STX8: variants seen among roughly 807,000 people sequenced by gnomAD.
STX8 encodes syntaxin 8, also known as syntaxin-8.
Under a neutral mutation model 37.5 loss-of-function variants are expected in STX8, and 23 were observed. The ratio of observed to expected loss-of-function variants is 0.61; its 90% confidence interval spans 0.44 to 0.87. The LOEUF is 0.87. Ranked by LOEUF, STX8 falls within the 40% of genes least tolerant of loss-of-function variation. STX8 has a pLI of 0.00. For synonymous variants in STX8, 115 were observed against 99.1 expected (o/e 1.16, Z -0.95); for missense variants, 313 against 284.7 (o/e 1.10, Z -0.71).
At chr17:9,367,116 A>G (rs1004255650) in intron 7 of STX8, among the ~76,000 whole-genome samples, 1 of 151,866 alleles carries the variant, frequency 6.6e-6, no homozygotes, top group Admixed American at 6.6e-5. Flanking sequence ...CTGAGGCTGA[A>G]CAAATCTACT....
At chr17:9,421,340 C>T (rs895034155) in intron 6 of STX8, among the ~76,000 whole-genome samples, 5 of 128,668 alleles carry the variant, frequency 3.9e-5, no homozygotes, top group East Asian at 2.5e-4. Context: ...TGCAGTGAGG[C>T]GGGATGGAGC....
At chr17:9,396,710 A>G (rs1912416278) in intron 6 of STX8, among the ~76,000 whole-genome samples, 2 of 140,830 alleles carry the variant, frequency 1.4e-5, no homozygotes, top group Admixed American at 7.0e-5. Context: ...GTGAAACACC[A>G]TCTGAAAAAA....
At position 9,575,802 on chromosome 17, in the gene STX8, G is replaced by T; in HGVS notation, c.7C>A (p.Pro3Thr). 1.3e-6 allele frequency: 2 copies of T among 1,542,148 alleles called. No individual in the cohort carries two copies. Among genetic ancestry groups the T allele is most frequent in the Non-Finnish European group, 8.7e-7 (1 of 1,146,400 alleles). ...TCACCCGGGACTCACCAGGGGTCCG[G>T]TGCCATCCTGCAGACTCCGCCCGCC... MA[P>T]DPWFSTYDST... Residue 3 changes from proline (P) to threonine (T), a missense_variant, in exon 1 of 8, where the codon CCG becomes ACG. Physicochemically the swap from Pro to Thr is conservative, Grantham distance 38. Transcript: ENST00000306357.
Position 9,517,583 on chromosome 17 carries a change from G to A in STX8, c.324-12421C>T, listed in dbSNP as rs116177574. Among the ~76,000 whole-genome samples, 239 of 152,192 alleles carry A rather than the reference G, an allele frequency of 1.6e-3. 1 individual carries two copies. Among genetic ancestry groups the A allele is most frequent in the African/African-American group, 5.2e-3 (217 of 41,536 alleles). The stretch of plus-strand genomic sequence containing the variant: ...GCTTCCTCAGGGCCACCCACCTAGT[G>A]GCAGAGCTAAGGGTTCAGCCCACAT... On this transcript the variant is annotated intron_variant, in intron 4 of 7. Coordinates refer to ENST00000306357, the MANE Select transcript of STX8 (RefSeq NM_004853.3).
chr17:9,316,589 G>A (rs762339771), intron 7 of STX8, among the ~76,000 whole-genome samples: 8 of 152,186 alleles, frequency 5.3e-5, no homozygotes, highest in Non-Finnish European at 1.0e-4. Flanking sequence ...GTGCATGGAA[G>A]CTCTGTGCCC....
intron 3 of STX8, chr17:9,556,933 A>G (rs1907004617): frequency 6.5e-6 from 1 of 152,816 alleles, no homozygotes; most frequent in Non-Finnish European, 1.5e-5. Flanking sequence ...CTCTGGAGGA[A>G]AAATAAGGCA....
At chr17:9,465,798 C>T (rs1905589335) in intron 6 of STX8, among the ~76,000 whole-genome samples, 1 of 152,112 alleles carries the variant, frequency 6.6e-6, no homozygotes, top group Non-Finnish European at 1.5e-5. Flanking sequence ...TACGCGATCC[C>T]ATTTAGTTTA....
At chr17:9,386,525 G>A (rs1025250337) in intron 6 of STX8, among the ~76,000 whole-genome samples, 1 of 152,100 alleles carries the variant, frequency 6.6e-6, no homozygotes, top group East Asian at 1.9e-4. Context: ...ACACAGAAGG[G>A]AGGAAGGGAA....
intron 5 of STX8, among the ~76,000 whole-genome samples, chr17:9,504,609 C>T (rs12941843): frequency 0.085 from 12,933 of 151,776 alleles, 698 homozygotes; most frequent in South Asian, 0.14. Flanking sequence ...GAGGCACACA[C>T]CAAAAGCTTT....
In STX8 at chr17:9,356,960, G is replaced by GTTTT. The variant is rs140965935; in HGVS notation, c.643+21588_643+21591dup. ...TTTCATTCTCTCCATCCTTTTAACA[G>GTTTT]TTTTTTTTTTTTTTTTTTTTTTTTT... On this transcript the variant is annotated intron_variant, in intron 7 of 7. Coordinates refer to ENST00000306357, the MANE Select transcript of STX8 (RefSeq NM_004853.3). Among the ~76,000 whole-genome samples, 15 of 61,748 alleles carry GTTTT rather than the reference G, an allele frequency of 2.4e-4. 1 individual carries two copies. The highest frequency in any genetic ancestry group is 1.1e-3 in the East Asian group (2 of 1,756). The allele number at this position is 61,748 out of a possible 152,430, so 40.5% of individuals were successfully genotyped here.
intron 6 of STX8, among the ~76,000 whole-genome samples, chr17:9,399,196 A>T (rs781181650): frequency 3.2e-4 from 49 of 152,050 alleles, no homozygotes; most frequent in Non-Finnish European, 6.2e-4. Context: ...ATCCACATGA[A>T]CCTCAGGTTC....
chr17:9,501,308 T>C (rs1904601273), intron 5 of STX8, among the ~76,000 whole-genome samples: 1 of 152,228 alleles, frequency 6.6e-6, no homozygotes, highest in African/African-American at 2.4e-5. Context: ...TCTTACTTAA[T>C]GACCCATCAT....
chr17:9,390,836 C>CAAAA lies in STX8; in HGVS notation c.542-12187_542-12184dup, dbSNP rs34205577. On this transcript the variant is annotated intron_variant, in intron 6 of 7. Coordinates refer to ENST00000306357, the MANE Select transcript of STX8 (RefSeq NM_004853.3). ...TGGGCGACAGAGCGAGACTCCGTCTCAAAAAAAAAAAAAAAAAAAGAAGGG... is the reference window on the plus strand; with the variant it reads ...TGGGCGACAGAGCGAGACTCCGTCTCAAAAAAAAAAAAAAAAAAAAAAAGAAGGG... 5.2e-3 allele frequency among the ~76,000 whole-genome samples: 489 copies of CAAAA among 93,464 alleles called. 7 individuals carry two copies. The highest frequency in any genetic ancestry group is 0.02 in the African/African-American group (467 of 23,312). The allele number at this position is 93,464 out of a possible 152,430, so 61.3% of individuals were successfully genotyped here. A position where few individuals can be genotyped will look rare whatever the true frequency, so the allele number is the denominator to read the frequency against.
chr17:9,319,083 G>GTGGA (rs1909480358), intron 7 of STX8, among the ~76,000 whole-genome samples: 1 of 152,216 alleles, frequency 6.6e-6, no homozygotes, highest in Admixed American at 6.5e-5. Context: ...ATTTTTCCAC[G>GTGGA]TGGAAATTAG....
intron 5 of STX8, among the ~76,000 whole-genome samples, chr17:9,504,321 A>G (rs143206911): frequency 1.3e-3 from 191 of 152,164 alleles, no homozygotes; most frequent in Non-Finnish European, 2.0e-3. Flanking sequence ...TGAAATTTTA[A>G]AAATATAAGA....
intron 7 of STX8, 146 bp from the exon 8 acceptor site, chr17:9,250,791 TG>T: frequency 1.3e-6 from 1 of 792,466 alleles, no homozygotes; most frequent in Non-Finnish European, 2.0e-6. Context: ...GTCGGTGGCC[TG>T]GGGCGCCGCT....
chr17:9,421,225 T>C, intron 6 of STX8, among the ~76,000 whole-genome samples: 1 of 151,842 alleles, frequency 6.6e-6, no homozygotes, highest in Non-Finnish European at 1.5e-5. Context: ...AAACTCCGTC[T>C]CTACTAAATA....
intron 1 of STX8, among the ~76,000 whole-genome samples, chr17:9,573,039 T>C (rs1907742124): frequency 6.6e-6 from 1 of 151,718 alleles, no homozygotes; most frequent in African/African-American, 2.4e-5. Flanking sequence ...CTTAGGAATA[T>C]GTATTGTAAA....
At chr17:9,361,487 C>A (rs1328334404) in intron 7 of STX8, among the ~76,000 whole-genome samples, 3 of 152,190 alleles carry the variant, frequency 2.0e-5, no homozygotes, top group Non-Finnish European at 4.4e-5. Context: ...ATGGGTACCA[C>A]CATAATGTAT....
Sources: allele counts gnomAD v4.1 joint callset (sites outside exome capture counted in the v4.1 genomes callset), GRCh38; gene constraint gnomAD v4.1.1; transcripts MANE v1.5; gene names NCBI Gene and HGNC (gene_info 2026-07-23, HGNC 2026-07-21).